MPP4: variants seen among roughly 807,000 people sequenced by gnomAD.
The protein encoded by MPP4 is MAGUK p55 scaffold protein 4.
In MPP4, 91 loss-of-function variants were observed where a neutral mutation model predicts 98.3. That is an observed-to-expected ratio of 0.93 (90% CI 0.78 to 1.10). MPP4 has a LOEUF of 1.10. Among genes scored for constraint, MPP4 ranks in the 50% least tolerant of loss-of-function variants. The pLI is 0.00. For synonymous variants in MPP4, 261 were observed against 271.8 expected, an observed-to-expected ratio of 0.96 and a Z score of 0.39; for missense variants, 744 against 792.9, an observed-to-expected ratio of 0.94 and a Z score of 0.74.
chr2:201,687,335 CA>C lies in MPP4; in HGVS notation c.315del (p.Glu106ArgfsTer5), dbSNP rs770356467. ...VELLRETPTS[P>X]EIQELRQMLQ... ...AGCATTTGTCTCAGCTCTTGGATCT[CA>C]GGGGAAGTAGGGGTTTCACGTAATA... is the stretch of plus-strand genomic sequence containing the variant. On this transcript the variant is annotated frameshift_variant, in exon 5 of 22. Transcript: ENST00000409474. LOFTEE classifies it high-confidence loss of function. The C allele has an allele frequency of 2.3e-5, 37 of 1,585,412 alleles. 1 individual carries two copies. Among genetic ancestry groups the C allele is most frequent in the Middle Eastern group, 1.7e-4 (1 of 6,024 alleles).
chr2:201,683,676 C>T (rs1055764644), intron 7 of MPP4, among the ~76,000 whole-genome samples: 3 of 150,942 alleles, frequency 2.0e-5, no homozygotes, highest in South Asian at 2.1e-4. Context: ...TGCTTGAACT[C>T]GGGAGGCAGA....
intron 14 of MPP4, 39 bp from the exon 15 acceptor site, chr2:201,660,385 G>A (rs750372881): frequency 6.2e-7 from 1 of 1,611,038 alleles, no homozygotes; most frequent in Non-Finnish European, 8.5e-7. Context: ...ACATGAAAAA[G>A]TTAAGCCTTT....
At chr2:201,672,979 G>C (rs1002754217) in intron 11 of MPP4, among the ~76,000 whole-genome samples, 1 of 152,140 alleles carries the variant, frequency 6.6e-6, no homozygotes, top group African/African-American at 2.4e-5. Flanking sequence ...TAAAATACTG[G>C]CAAACCAAAT....
intron 15 of MPP4, 30 bp from the exon 16 acceptor site, chr2:201,658,548 T>C: frequency 6.3e-7 from 1 of 1,597,428 alleles, no homozygotes; most frequent in Non-Finnish European, 8.5e-7. Flanking sequence ...TGGAGCAGAA[T>C]ATGTGAGAGC....
In MPP4 at chr2:201,644,947, G is replaced by A. The variant is rs868232024; in HGVS notation, c.*263C>T. ...CTTAAAAAGATCATGTGAAATCTGC[G>A]AAAGGTTCTCATACTCAGTGACTTA... On this transcript the variant is annotated 3_prime_UTR_variant, in exon 22 of 22. Transcript: ENST00000409474. 1.4e-5 allele frequency: 4 copies of A among 281,288 alleles called. No homozygotes were observed. Among genetic ancestry groups the A allele is most frequent in the East Asian group, 1.3e-4 (2 of 15,874 alleles). The allele number at this position is 281,288 out of a possible 1,614,324, so 17.4% of individuals were successfully genotyped here.
chr2:201,691,555 T>C (rs563070403), intron 3 of MPP4, among the ~76,000 whole-genome samples: 2 of 152,326 alleles, frequency 1.3e-5, no homozygotes, highest in South Asian at 2.1e-4. Context: ...TCTCTCTCTG[T>C]CACACAGGCT....
intron 5 of MPP4, among the ~76,000 whole-genome samples, chr2:201,686,576 G>T (rs1284874153): frequency 1.3e-5 from 2 of 152,114 alleles, no homozygotes; most frequent in East Asian, 3.9e-4. Context: ...GAGTTTCTTT[G>T]ACTAGTCCAC....
At chr2:201,651,728 T>C (rs1574598419) in intron 18 of MPP4, 1 of 792,374 alleles carries the variant, frequency 1.3e-6, no homozygotes, top group Non-Finnish European at 1.5e-6. Context: ...CCAAGGCGGG[T>C]GGATCACCTG....
intron 4 of MPP4, 26 bp from the exon 5 acceptor site, chr2:201,687,397 T>A: frequency 6.5e-7 from 1 of 1,531,010 alleles, no homozygotes. Context: ...GGATACATTA[T>A]AAAAATTTTA....
intron 11 of MPP4, among the ~76,000 whole-genome samples, chr2:201,670,068 A>G (rs949532219): frequency 7.9e-5 from 12 of 152,180 alleles, no homozygotes; most frequent in African/African-American, 2.7e-4. Flanking sequence ...TTACTTCAGC[A>G]TATTTTAGGA....
chr2:201,653,892 C>T (rs1243686950), intron 18 of MPP4, among the ~76,000 whole-genome samples: 1 of 151,724 alleles, frequency 6.6e-6, no homozygotes, highest in Non-Finnish European at 1.5e-5. Context: ...TGGAAGATTA[C>T]GTTTTAGGAG....
chr2:201,683,895 T>C (rs970007427), intron 7 of MPP4, among the ~76,000 whole-genome samples: 2 of 152,116 alleles, frequency 1.3e-5, no homozygotes, highest in African/African-American at 4.8e-5. Context: ...GTAGTGAAGA[T>C]GTATAACAGG....
At chr2:201,678,698 A>G (rs904039629) in intron 10 of MPP4, among the ~76,000 whole-genome samples, 2 of 152,040 alleles carry the variant, frequency 1.3e-5, no homozygotes, top group African/African-American at 4.8e-5. Context: ...ATCCTTGTGT[A>G]TAGCTTTCCT....
At chr2:201,675,396 G>T in intron 10 of MPP4, 125 bp from the exon 11 acceptor site, 2 of 897,614 alleles carry the variant, frequency 2.2e-6, no homozygotes, top group South Asian at 1.6e-5. Context: ...CTTCACTCAA[G>T]TGAAAAGGGT....
At chr2:201,691,665 G>A (rs1210506280) in intron 3 of MPP4, among the ~76,000 whole-genome samples, 2 of 152,072 alleles carry the variant, frequency 1.3e-5, no homozygotes, top group African/African-American at 4.8e-5. Context: ...TTACAGGTGC[G>A]TGCCACTGCA....
chr2:201,650,517 C>G (rs562822428), intron 18 of MPP4: 2 of 985,380 alleles, frequency 2.0e-6, no homozygotes, highest in Non-Finnish European at 2.4e-6. Context: ...CCAATAATAT[C>G]TTACATTTGG....
chr2:201,668,992 C>A (rs1469278947), intron 12 of MPP4, among the ~76,000 whole-genome samples: 1 of 152,092 alleles, frequency 6.6e-6, no homozygotes, highest in Non-Finnish European at 1.5e-5. Context: ...TCTTGCAGTT[C>A]TCTGTTTTCC....
chr2:201,692,926 C>T lies in MPP4; in HGVS notation c.183G>A (p.Trp61Ter). 1 of 1,609,526 alleles carries T rather than the reference C, an allele frequency of 6.2e-7. No homozygotes were observed. Among genetic ancestry groups the T allele is most frequent in the Non-Finnish European group, 8.5e-7 (1 of 1,178,046 alleles). The stretch of plus-strand genomic sequence containing the variant: ...CACTCACCTTTAGCAGAGCCTGAAG[C>T]CACGGCGAGTGGAGGAGATCGTACA... Reference protein sequence around the residue: ...CLLYDLLHSPWLQALLKIYDC... With the variant: ...CLLYDLLHSP Residue 61 changes from tryptophan to a stop codon, truncating the protein, a stop_gained, in exon 3 of 22, where the codon TGG becomes TGA. Transcript: ENST00000409474. LOFTEE classifies it high-confidence loss of function.
intron 20 of MPP4, 127 bp downstream of exon 20, chr2:201,649,449 G>A (rs954036398): frequency 3.1e-6 from 2 of 654,142 alleles, no homozygotes; most frequent in Non-Finnish European, 5.3e-6. Context: ...TCTTATATAT[G>A]GGAAATGGCC....
Sources: gnomAD v4.1 joint callset for allele counts (sites outside exome capture counted in the v4.1 genomes callset) on GRCh38, gnomAD v4.1.1 for gene constraint, MANE v1.5 for transcripts, NCBI Gene and HGNC (gene_info 2026-07-23, HGNC 2026-07-21) for gene names.